SORCS3: variants seen among roughly 807,000 people sequenced by gnomAD.
The protein encoded by SORCS3 is sortilin related VPS10 domain containing receptor 3.
In SORCS3, 57 loss-of-function variants were observed where a neutral mutation model predicts 146.3. The observed-to-expected ratio is 0.39, with a 90% confidence interval of 0.31 to 0.49. SORCS3 has a LOEUF of 0.49. Ranked by LOEUF, SORCS3 falls within the 20% of genes least tolerant of loss-of-function variation. SORCS3 has a pLI of 0.92. For synonymous variants in SORCS3, 653 were observed against 618.5 expected, an observed-to-expected ratio of 1.06 and a Z score of -0.83; for missense variants, 1,341 against 1,575.5, an observed-to-expected ratio of 0.85 and a Z score of 2.52.
intron 1 of SORCS3, among the ~76,000 whole-genome samples, chr10:104,664,289 G>C (rs1204624515): frequency 6.6e-6 from 1 of 152,166 alleles, no homozygotes; most frequent in African/African-American, 2.4e-5. Flanking sequence ...CGGGGCTTAA[G>C]GTGAAAATGA....
At chr10:104,642,022 G>GGGGGGGGGGGGCCGCCCC in intron 1 of SORCS3, 68 bp downstream of exon 1, 1 of 173,336 alleles carries the variant, frequency 5.8e-6, no homozygotes, top group Non-Finnish European at 1.1e-5. Context: ...GGGTGGGTGG[G>GGGGGGGGGGGGCCGCCCC]AGCGAGGGAC....
At chr10:104,700,715 G>A (rs2016270697) in intron 1 of SORCS3, among the ~76,000 whole-genome samples, 2 of 152,134 alleles carry the variant, frequency 1.3e-5, no homozygotes, top group South Asian at 4.1e-4. Flanking sequence ...TGACTGTCAC[G>A]GGGTGGGGCT....
At chr10:104,917,661 C>A (rs1357706082) in intron 3 of SORCS3, among the ~76,000 whole-genome samples, 1 of 152,264 alleles carries the variant, frequency 6.6e-6, no homozygotes, top group East Asian at 1.9e-4. Context: ...AACCATTCGA[C>A]CCCTGTTAAC....
chr10:104,888,411 G>A (rs1321698507), intron 2 of SORCS3, among the ~76,000 whole-genome samples: 1 of 152,158 alleles, frequency 6.6e-6, no homozygotes, highest in African/African-American at 2.4e-5. Context: ...GGTACTCAGT[G>A]GAAAATGTGA....
intron 3 of SORCS3, among the ~76,000 whole-genome samples, chr10:104,928,232 G>A (rs951334242): frequency 6.6e-6 from 1 of 152,164 alleles, no homozygotes. Context: ...GGGCTTGAAA[G>A]CATGAGACCT....
chr10:104,764,001 CCT>C (rs1491551661), intron 1 of SORCS3, among the ~76,000 whole-genome samples: 1 of 74,572 alleles, frequency 1.3e-5, no homozygotes, highest in African/African-American at 5.9e-5. Flanking sequence ...GTCAATTAAA[CCT>C]TTTTTTTTTT....
At chr10:104,904,843 T>A (rs973630235) in intron 2 of SORCS3, among the ~76,000 whole-genome samples, 3 of 151,762 alleles carry the variant, frequency 2.0e-5, no homozygotes, top group Admixed American at 1.3e-4. Context: ...ATTTTTTTTT[T>A]AAAAGACTCT....
chr10:105,019,601 T>C (rs533420553), intron 4 of SORCS3, among the ~76,000 whole-genome samples: 1 of 152,344 alleles, frequency 6.6e-6, no homozygotes, highest in South Asian at 2.1e-4. Context: ...CCTCTGAAGC[T>C]GAACATTCCT....
intron 1 of SORCS3, among the ~76,000 whole-genome samples, chr10:104,698,666 G>A (rs964209463): frequency 6.6e-6 from 1 of 152,120 alleles, no homozygotes; most frequent in African/African-American, 2.4e-5. Flanking sequence ...TGAACAAATG[G>A]CTATCCTGTG....
At chr10:105,257,603 T>C (rs2056939020) in intron 25 of SORCS3, among the ~76,000 whole-genome samples, 1 of 152,232 alleles carries the variant, frequency 6.6e-6, no homozygotes, top group South Asian at 2.1e-4. Flanking sequence ...TGTATACTAA[T>C]TAAGAGTATA....
chr10:105,070,041 A>G (rs1407807488), intron 5 of SORCS3, among the ~76,000 whole-genome samples: 1 of 152,216 alleles, frequency 6.6e-6, no homozygotes, highest in Non-Finnish European at 1.5e-5. Flanking sequence ...GACTGGAGTC[A>G]GTGAGCTACC....
intron 5 of SORCS3, among the ~76,000 whole-genome samples, chr10:105,066,041 C>T (rs2055520624): frequency 6.6e-6 from 1 of 152,168 alleles, no homozygotes; most frequent in East Asian, 1.9e-4. Context: ...ATTGGAGTAT[C>T]TCTGTTTAAC....
chr10:105,134,298 G>T (rs1424596040), intron 7 of SORCS3, among the ~76,000 whole-genome samples: 1 of 152,086 alleles, frequency 6.6e-6, no homozygotes, highest in Non-Finnish European at 1.5e-5. Flanking sequence ...CTGGAGTGTG[G>T]TAGATGTACT....
chr10:105,093,776 A>C (rs1396452325), intron 6 of SORCS3, among the ~76,000 whole-genome samples: 1 of 152,128 alleles, frequency 6.6e-6, no homozygotes, highest in African/African-American at 2.4e-5. Flanking sequence ...ACTCTCATAC[A>C]TTGCTGGTGG....
chr10:105,253,556 C>T (rs2056913236), intron 23 of SORCS3, among the ~76,000 whole-genome samples: 1 of 152,196 alleles, frequency 6.6e-6, no homozygotes, highest in South Asian at 2.1e-4. Flanking sequence ...TCTATTCCTC[C>T]TGAGGTCTTA....
At chr10:105,106,663 A>C (rs2055823923) in intron 7 of SORCS3, among the ~76,000 whole-genome samples, 1 of 152,210 alleles carries the variant, frequency 6.6e-6, no homozygotes, top group Admixed American at 6.6e-5. Context: ...TAACTTAGTT[A>C]CATAGATTTT....
intron 3 of SORCS3, among the ~76,000 whole-genome samples, chr10:104,970,139 CT>C (rs2054851835): frequency 6.6e-6 from 1 of 151,746 alleles, no homozygotes; most frequent in Admixed American, 6.6e-5. Context: ...GTTATGAAAG[CT>C]TTTTTTTCTT....
intron 20 of SORCS3, among the ~76,000 whole-genome samples, chr10:105,240,641 A>AT (rs921063542): frequency 4.6e-5 from 7 of 152,038 alleles, no homozygotes; most frequent in Non-Finnish European, 1.0e-4. Context: ...CCGTAGTTGA[A>AT]TTTTTTTTAT....
intron 1 of SORCS3, among the ~76,000 whole-genome samples, chr10:104,834,715 T>C (rs745471636): frequency 1.3e-5 from 2 of 151,642 alleles, no homozygotes; most frequent in Non-Finnish European, 2.9e-5. Context: ...TTTTTTCCTC[T>C]GCTAGGATAT....
Sources: gnomAD v4.1 joint callset for allele counts (sites outside exome capture counted in the v4.1 genomes callset) on GRCh38, gnomAD v4.1.1 for gene constraint, MANE v1.5 for transcripts, NCBI Gene and HGNC (gene_info 2026-07-23, HGNC 2026-07-21) for gene names.